The following PRDM5 variants were observed in gnomAD, a reference collection of about 807,000 sequenced individuals.
The protein encoded by PRDM5 is PR domain zinc finger protein 5.
In PRDM5, 56 loss-of-function variants were observed where a neutral mutation model predicts 81.2. The ratio of observed to expected loss-of-function variants is 0.69; its 90% CI spans 0.56 to 0.86. The LOEUF (loss-of-function observed/expected upper bound fraction) is 0.86. PRDM5 is among the 40% of genes least tolerant of loss of function. The pLI is 0.00. For missense variants in PRDM5, 697 were observed against 770.1 expected (o/e 0.91, Z 1.12); for synonymous variants, 267 against 256.4 (o/e 1.04, Z -0.39).
At chr4:120,894,656 A>C (rs921015408) in intron 2 of PRDM5, among the ~76,000 whole-genome samples, 4 of 152,238 alleles carry the variant, frequency 2.6e-5, no homozygotes, top group African/African-American at 9.6e-5. Context: ...AAACAAAAGA[A>C]ACATATATGT....
Position 120,774,888 on chromosome 4 carries a change from C to CTATATATATATATA in PRDM5, c.1537+2286_1537+2299dup, listed in dbSNP as rs140501417. 1.8e-4 allele frequency among the ~76,000 whole-genome samples: 23 copies of CTATATATATATATA among 129,360 alleles called. No individual in the cohort carries two copies. The East Asian group carries it at 2.7e-3, about 15-fold the overall frequency. The allele number at this position is 129,360 out of a possible 152,430, so 84.9% of individuals were successfully genotyped here. On this transcript the variant is annotated intron_variant, in intron 13 of 15. Coordinates refer to ENST00000264808, the MANE Select transcript of PRDM5 (RefSeq NM_018699.4). Reference sequence around the variant, plus strand: ...TCTCTGTCTCTCTCTCTCTCTCTTTCTATATATATATATATATATGTATAT... The same window carrying CTATATATATATATA: ...TCTCTGTCTCTCTCTCTCTCTCTTTCTATATATATATATATATATATATATATATATATGTATAT...
At chr4:120,691,817 C>T (rs1219398221), downstream of PRDM5, 4 of 151,924 alleles carry the variant, frequency 2.6e-5, no homozygotes, top group African/African-American at 9.7e-5. Flanking sequence ...AATTACATTT[C>T]TTTCATTCAT....
At chr4:120,793,096 G>C (rs1400347354) in intron 10 of PRDM5, among the ~76,000 whole-genome samples, 1 of 152,126 alleles carries the variant, frequency 6.6e-6, no homozygotes, top group Non-Finnish European at 1.5e-5. Context: ...CCACACAGCA[G>C]GAGGTGAGTG....
chr4:120,735,552 T>C (rs532587755), intron 14 of PRDM5, among the ~76,000 whole-genome samples: 7 of 152,312 alleles, frequency 4.6e-5, no homozygotes, highest in Non-Finnish European at 5.9e-5. Flanking sequence ...AGCTGTTCAC[T>C]TAAAATGCTG....
chr4:120,714,107 A>G (rs780915847), intron 14 of PRDM5, among the ~76,000 whole-genome samples: 3 of 152,222 alleles, frequency 2.0e-5, no homozygotes, highest in Non-Finnish European at 4.4e-5. Flanking sequence ...AATGCCTAAT[A>G]TGAAATCATT....
At chr4:120,759,109 G>A (rs1009734233) in intron 13 of PRDM5, among the ~76,000 whole-genome samples, 4 of 152,036 alleles carry the variant, frequency 2.6e-5, no homozygotes, top group African/African-American at 7.2e-5. Flanking sequence ...ATCTACACAT[G>A]TTGCCCATGA....
At chr4:120,891,986 G>A (rs774910363) in intron 2 of PRDM5, among the ~76,000 whole-genome samples, 13 of 152,052 alleles carry the variant, frequency 8.5e-5, no homozygotes, top group African/African-American at 2.7e-4. Context: ...TAGCTGTATC[G>A]CCAAGATTCT....
intron 2 of PRDM5, among the ~76,000 whole-genome samples, chr4:120,869,553 G>C (rs1214959014): frequency 6.6e-6 from 1 of 152,066 alleles, no homozygotes; most frequent in Non-Finnish European, 1.5e-5. Context: ...TGCTCATAAA[G>C]ACACTCATAG....
At chr4:120,889,748 T>C (rs1763838332) in intron 2 of PRDM5, among the ~76,000 whole-genome samples, 1 of 152,174 alleles carries the variant, frequency 6.6e-6, no homozygotes, top group Non-Finnish European at 1.5e-5. Context: ...TGATGTCTGT[T>C]GTTCCCTTCT....
intron 2 of PRDM5, among the ~76,000 whole-genome samples, chr4:120,898,643 A>C (rs1313933161): frequency 6.6e-6 from 1 of 152,210 alleles, no homozygotes; most frequent in Non-Finnish European, 1.5e-5. Context: ...GCTGTTAAAC[A>C]AATTATTTTT....
chr4:120,921,302 A>C (rs921826734), intron 1 of PRDM5, among the ~76,000 whole-genome samples: 5 of 152,250 alleles, frequency 3.3e-5, no homozygotes, highest in African/African-American at 1.2e-4. Flanking sequence ...TTTGGCAACT[A>C]TTCAATACAC....
intron 14 of PRDM5, among the ~76,000 whole-genome samples, chr4:120,748,994 T>C (rs1743572301): frequency 6.6e-6 from 1 of 152,052 alleles, no homozygotes; most frequent in South Asian, 2.1e-4. Flanking sequence ...GGCAGGAAAT[T>C]AATCTAGAAT....
chr4:120,906,852 T>C (rs1344163772), intron 2 of PRDM5, among the ~76,000 whole-genome samples: 1 of 152,164 alleles, frequency 6.6e-6, no homozygotes, highest in South Asian at 2.1e-4. Context: ...AAATTAAGTA[T>C]AATTTTATTT....
chr4:120,842,515 C>T (rs954836179), intron 3 of PRDM5, among the ~76,000 whole-genome samples: 3 of 152,134 alleles, frequency 2.0e-5, no homozygotes, highest in African/African-American at 7.2e-5. Context: ...GGGAAACAAA[C>T]ATAACTGACA....
chr4:120,809,032 G>A, intron 8 of PRDM5, among the ~76,000 whole-genome samples: 1 of 152,352 alleles, frequency 6.6e-6, no homozygotes, highest in Non-Finnish European at 1.5e-5. Flanking sequence ...GCAGTGGGCT[G>A]AAAGGCTCCT....
At chr4:120,850,592 A>T (rs1014448459) in intron 3 of PRDM5, among the ~76,000 whole-genome samples, 3 of 152,174 alleles carry the variant, frequency 2.0e-5, no homozygotes, top group Non-Finnish European at 4.4e-5. Context: ...AACAGTGTTA[A>T]AAGAAATGAA....
At chr4:120,797,808 G>A (rs1751540220) in intron 10 of PRDM5, among the ~76,000 whole-genome samples, 1 of 152,106 alleles carries the variant, frequency 6.6e-6, no homozygotes, top group Non-Finnish European at 1.5e-5. Context: ...ATTTCTTAAG[G>A]AGAGAGAACA....
At chr4:120,781,969 G>C (rs1028276485) in intron 11 of PRDM5, among the ~76,000 whole-genome samples, 4 of 152,148 alleles carry the variant, frequency 2.6e-5, no homozygotes, top group African/African-American at 9.7e-5. Context: ...AGCCACCCTG[G>C]GTATTTCACT....
intron 15 of PRDM5, among the ~76,000 whole-genome samples, chr4:120,700,219 C>T (rs1022487390): frequency 6.6e-6 from 1 of 152,032 alleles, no homozygotes; most frequent in Admixed American, 6.6e-5. Flanking sequence ...TCAATAAACA[C>T]CTATTCAATA....
Sources: allele counts gnomAD v4.1 joint callset (sites outside exome capture counted in the v4.1 genomes callset), GRCh38; gene constraint gnomAD v4.1.1; transcripts MANE v1.5; gene names NCBI Gene and HGNC (gene_info 2026-07-23, HGNC 2026-07-21).